ZNF804A: variants seen among roughly 807,000 people sequenced by gnomAD.
The protein encoded by ZNF804A is zinc finger protein 804A.
A neutral mutation model predicts 16.5 loss-of-function variants in ZNF804A; 2 were observed. The ratio of observed to expected loss-of-function variants is 0.12; its 90% CI spans 0.05 to 0.38. The LOEUF (loss-of-function observed/expected upper bound fraction) is 0.38, where lower values mean the gene tolerates loss of function less well. Among genes scored for constraint, ZNF804A ranks in the 10% least tolerant of loss-of-function variants. The pLI, the probability that ZNF804A is intolerant of heterozygous loss-of-function variation, is 0.99. For synonymous variants in ZNF804A, 534 were observed against 489.6 expected, an observed-to-expected ratio of 1.09 and a Z score of -1.20; for missense variants, 1,473 against 1,390.7, an observed-to-expected ratio of 1.06 and a Z score of -0.94.
intron 1 of ZNF804A, among the ~76,000 whole-genome samples, chr2:184,660,562 C>T (rs2105705938): frequency 6.6e-6 from 1 of 152,318 alleles, no homozygotes; most frequent in African/African-American, 2.4e-5. Flanking sequence ...AGGACTGAGT[C>T]CTGAACACAA....
intron 1 of ZNF804A, among the ~76,000 whole-genome samples, chr2:184,626,015 C>T (rs1691490043): frequency 6.6e-6 from 1 of 152,016 alleles, no homozygotes; most frequent in South Asian, 2.1e-4. Flanking sequence ...ACTACAGGTG[C>T]CCGCCACCAC....
At chr2:184,642,652 C>A (rs944170487) in intron 1 of ZNF804A, among the ~76,000 whole-genome samples, 2 of 151,872 alleles carry the variant, frequency 1.3e-5, no homozygotes, top group Admixed American at 6.6e-5. Flanking sequence ...AGTTGCTGGC[C>A]AAGCCAAGTT....
At chr2:184,675,003 T>G (rs1692398556) in intron 1 of ZNF804A, among the ~76,000 whole-genome samples, 1 of 151,844 alleles carries the variant, frequency 6.6e-6, no homozygotes. Context: ...CTGTTAAATC[T>G]TATATATGCC....
chr2:184,688,560 A>AT (rs1396132293), intron 1 of ZNF804A, among the ~76,000 whole-genome samples: 1 of 152,076 alleles, frequency 6.6e-6, no homozygotes, highest in East Asian at 1.9e-4. Context: ...ATTCTTACCT[A>AT]TTTTACTATT....
chr2:184,637,358 A>T (rs1053599855), intron 1 of ZNF804A, among the ~76,000 whole-genome samples: 12 of 152,154 alleles, frequency 7.9e-5, no homozygotes, highest in African/African-American at 2.4e-4. Context: ...TTTACATTGA[A>T]AACTTGGTAC....
intron 1 of ZNF804A, among the ~76,000 whole-genome samples, chr2:184,687,109 A>G (rs953370480): frequency 1.1e-4 from 17 of 152,258 alleles, no homozygotes; most frequent in African/African-American, 4.1e-4. Context: ...GCCAATGTTG[A>G]GAAGGATATT....
chr2:184,923,208 A>G (rs1685557788), intron 2 of ZNF804A, among the ~76,000 whole-genome samples: 1 of 151,844 alleles, frequency 6.6e-6, no homozygotes, highest in African/African-American at 2.4e-5. Context: ...TACTTTTTGG[A>G]GTCCTCTTCA....
intron 1 of ZNF804A, among the ~76,000 whole-genome samples, chr2:184,809,744 G>A (rs551271733): frequency 9.7e-4 from 147 of 151,954 alleles, no homozygotes; most frequent in African/African-American, 3.2e-3. Context: ...ATATATGCGT[G>A]TATGAATATG....
At chr2:184,689,899 G>A (rs964569231) in intron 1 of ZNF804A, among the ~76,000 whole-genome samples, 6 of 151,910 alleles carry the variant, frequency 3.9e-5, no homozygotes, top group African/African-American at 1.4e-4. Context: ...AGTAATAAAA[G>A]AATCAGGCAG....
At chr2:184,757,662 A>G (rs540954984) in intron 1 of ZNF804A, among the ~76,000 whole-genome samples, 3 of 152,150 alleles carry the variant, frequency 2.0e-5, no homozygotes, top group African/African-American at 7.2e-5. Context: ...TTTGAAGAGT[A>G]GAACATTCAC....
rs531702134 is a variant in ZNF804A, at chr2:184,852,523, G to A, written c.112-13846G>A. 1.5e-3 allele frequency among the ~76,000 whole-genome samples: 208 copies of A among 142,972 alleles called. 1 individual carries two copies. The highest frequency in any genetic ancestry group is 3.7e-3 in the Admixed American group (51 of 13,632). The allele number at this position is 142,972 out of a possible 152,430, so 93.8% of individuals were successfully genotyped here. A position where few individuals can be genotyped will look rare whatever the true frequency, so the allele number is the denominator to read the frequency against. On this transcript the variant is annotated intron_variant, in intron 1 of 3. Transcript: ENST00000302277. The stretch of plus-strand genomic sequence containing the variant: ...AGTCACTGCCAAAAATATATTGCCA[G>A]ACTAATGTCATAGAGATCTCCCACC...
At chr2:184,934,577 T>G (rs1412538524) in intron 3 of ZNF804A, among the ~76,000 whole-genome samples, 1 of 152,134 alleles carries the variant, frequency 6.6e-6, no homozygotes, top group Non-Finnish European at 1.5e-5. Context: ...TTACTGCTGT[T>G]CAGTTACACT....
chr2:184,937,145 A>C lies in ZNF804A; in HGVS notation c.1749A>C (p.Lys583Asn), dbSNP rs758427445. 2 of 1,604,548 alleles carry C rather than the reference A, an allele frequency of 1.2e-6. No homozygotes were observed. The highest frequency in any genetic ancestry group is 1.7e-6 in the Non-Finnish European group (2 of 1,177,762). The change falls in exon 4 of 4, where the codon AAA (lysine) becomes AAC (asparagine). Residue 583 changes from lysine to asparagine, a missense_variant. Transcript: ENST00000302277. ...LDEKYNKIRL[K>N]ETHEYWFHKS... The stretch of plus-strand genomic sequence containing the variant: ...AAAAATACAACAAAATAAGGTTGAA[A>C]GAGACCCATGAATACTGGTTCCATA...
chr2:184,911,927 GT>G (rs1257280621), intron 2 of ZNF804A, among the ~76,000 whole-genome samples: 2 of 151,014 alleles, frequency 1.3e-5, no homozygotes, highest in Non-Finnish European at 3.0e-5. Flanking sequence ...TACACCTTTT[GT>G]TTTTACTGAT....
At chr2:184,742,534 A>G (rs1693724271) in intron 1 of ZNF804A, among the ~76,000 whole-genome samples, 4 of 151,958 alleles carry the variant, frequency 2.6e-5, no homozygotes, top group Admixed American at 1.3e-4. Context: ...TGCATATTGT[A>G]TGGCACTTAG....
intron 1 of ZNF804A, among the ~76,000 whole-genome samples, chr2:184,791,428 G>T (rs140635067): frequency 6.6e-6 from 1 of 152,098 alleles, no homozygotes; most frequent in Non-Finnish European, 1.5e-5. Flanking sequence ...GTTTAGTTTG[G>T]CAGGATACAA....
chr2:184,883,713 T>C (rs1684844309), intron 2 of ZNF804A, among the ~76,000 whole-genome samples: 1 of 151,970 alleles, frequency 6.6e-6, no homozygotes, highest in African/African-American at 2.4e-5. Context: ...CATGATCATC[T>C]CAATAGATGA....
At chr2:184,870,927 C>T (rs1439940704) in intron 2 of ZNF804A, among the ~76,000 whole-genome samples, 1 of 151,590 alleles carries the variant, frequency 6.6e-6, no homozygotes, top group Non-Finnish European at 1.5e-5. Flanking sequence ...AATATATGCA[C>T]TCTATAAAAT....
Position 184,937,641 on chromosome 2 carries a change from A to G in ZNF804A, c.2245A>G (p.Ser749Gly), listed in dbSNP as rs1685815157. The change falls in exon 4 of 4, where the codon AGT (serine) becomes GGT (glycine). Residue 749 changes from serine to glycine, a missense_variant. Coordinates refer to ENST00000302277, the MANE Select transcript of ZNF804A (RefSeq NM_194250.2). ...LVLQNDMKHMSQNQAVKRGYN... is the reference protein window; with the variant it reads ...LVLQNDMKHMGQNQAVKRGYN... ...TCTTCAAAATGATATGAAACACATGAGTCAGAATCAGGCTGTTAAAAGAGG... is the reference window on the plus strand; with the variant it reads ...TCTTCAAAATGATATGAAACACATGGGTCAGAATCAGGCTGTTAAAAGAGG... 6.2e-7 allele frequency: 1 copy of G among 1,613,874 alleles called. No individual in the cohort carries two copies. Among genetic ancestry groups the G allele is most frequent in the South Asian group, 1.1e-5 (1 of 91,072 alleles).
Sources: gnomAD v4.1 joint callset for allele counts (sites outside exome capture counted in the v4.1 genomes callset) on GRCh38, gnomAD v4.1.1 for gene constraint, MANE v1.5 for transcripts, NCBI Gene and HGNC (gene_info 2026-07-23, HGNC 2026-07-21) for gene names.